RPA1: variants seen among roughly 807,000 people sequenced by gnomAD.
The protein encoded by RPA1 is replication protein A1, also known as replication protein A 70 kDa DNA-binding subunit.
RPA1 carries 49 observed loss-of-function variants against 83.0 expected under a neutral mutation model. That is an observed-to-expected ratio of 0.59 (90% CI 0.47 to 0.75). RPA1 has a LOEUF of 0.75. Ranked by LOEUF, RPA1 falls within the 30% of genes least tolerant of loss-of-function variation. RPA1 has a pLI of 0.00. For missense variants in RPA1, 693 were observed against 776.1 expected (o/e 0.89, Z 1.27); for synonymous variants, 279 against 281.8 (o/e 0.99, Z 0.10).
At chr17:1,883,244 C>T (rs1475092688) in intron 12 of RPA1, among the ~76,000 whole-genome samples, 1 of 152,126 alleles carries the variant, frequency 6.6e-6, no homozygotes, top group Non-Finnish European at 1.5e-5. Flanking sequence ...GCAACCTCCG[C>T]CTCCTGAGAA....
At position 1,883,838 on chromosome 17, in the gene RPA1, A is replaced by G. The variant is rs1913893326; in HGVS notation, c.1268A>G (p.Asp423Gly). The G allele has an allele frequency of 1.9e-6, 3 of 1,614,144 alleles. No homozygotes were observed. In the South Asian group the frequency reaches 3.3e-5, roughly 18 times the overall value. The change falls in exon 13 of 17, where the codon GAT (aspartate) becomes GGT (glycine). Residue 423 changes from aspartate to glycine, a missense_variant. Physicochemically the swap from Asp to Gly is moderately conservative, Grantham distance 94. Transcript: ENST00000254719. ...TTTGACGCAGAAGGACAAGCCTTAG[A>G]TGGTGTTTCCATCTCTGATCTAAAG... ...GWFDAEGQAL[D>G]GVSISDLKSG...
At chr17:1,831,831 C>G (rs977706160) in intron 1 of RPA1, among the ~76,000 whole-genome samples, 1 of 151,166 alleles carries the variant, frequency 6.6e-6, no homozygotes, top group Non-Finnish European at 1.5e-5. Context: ...GATCTCCTGA[C>G]CTTGTGATTC....
intron 1 of RPA1, among the ~76,000 whole-genome samples, chr17:1,830,986 G>T (rs1911541850): frequency 6.6e-6 from 1 of 151,898 alleles, no homozygotes; most frequent in African/African-American, 2.4e-5. Flanking sequence ...GGCTGATCTC[G>T]AACACCAGAC....
rs149749645 is a variant in RPA1, at chr17:1,897,332, C to T, written c.*157C>T. The T allele has an allele frequency of 1.8e-4, 111 of 604,738 alleles. No homozygotes were observed. In the African/African-American group the frequency reaches 1.9e-3, roughly 10 times the overall value. 37.5% of individuals were successfully genotyped at this position (604,738 alleles called of 1,614,324 possible). A position where few individuals can be genotyped will look rare whatever the true frequency, so the allele number is the denominator to read the frequency against. On this transcript the variant is annotated 3_prime_UTR_variant, in exon 17 of 17. Transcript: ENST00000254719. ...CCCTCGTGCGCATCTCAGAACCCAT[C>T]GGTAGGCAAAGGAAAATACGCTCAG... is the stretch of plus-strand genomic sequence containing the variant.
intron 5 of RPA1, chr17:1,854,420 C>T (rs974281843): frequency 6.6e-6 from 1 of 152,088 alleles, no homozygotes; most frequent in Non-Finnish European, 1.5e-5. Flanking sequence ...AAATAGGAAA[C>T]CAGGTACGGT....
chr17:1,868,745 A>G (rs1036218329), intron 5 of RPA1, among the ~76,000 whole-genome samples: 2 of 152,294 alleles, frequency 1.3e-5, no homozygotes, highest in African/African-American at 4.8e-5. Flanking sequence ...TCTCAGGAAA[A>G]GAAAAAAGAA....
chr17:1,897,164 G>T lies in RPA1; in HGVS notation c.1840G>T (p.Ala614Ser). ...GCTGGTCATGAGCATCAGGAGAAGT[G>T]CATTGATGTGAGAGGAGCAGTGCCA... ...RRLVMSIRRSALM is the reference protein window; with the variant it reads ...RRLVMSIRRSSLM Residue 614 changes from alanine (A) to serine (S), a missense_variant, in exon 17 of 17, where the codon GCA (alanine) becomes TCA (serine). Coordinates refer to ENST00000254719, the MANE Select transcript of RPA1 (RefSeq NM_002945.5). The T allele has an allele frequency of 1.3e-6, 2 of 1,555,752 alleles. No individual in the cohort carries two copies. Among genetic ancestry groups the T allele is most frequent in the Non-Finnish European group, 1.7e-6 (2 of 1,149,376 alleles).
In RPA1 at chr17:1,879,197, G is replaced by A; in HGVS notation, c.760-18G>A. 1 of 1,611,902 alleles carries A rather than the reference G, an allele frequency of 6.2e-7. No individual in the cohort carries two copies. The highest frequency in any genetic ancestry group is 1.1e-5 in the South Asian group (1 of 90,934). ...TTTGATGGTAGTCTCAGGTTCTGTG[G>A]CTTGGCCTCCTTCGCAGGTGTATTA... On this transcript the variant is annotated intron_variant, in intron 9 of 16. Transcript: ENST00000254719.
At chr17:1,888,500 T>G (rs1401606935) in intron 13 of RPA1, among the ~76,000 whole-genome samples, 175 bp from the exon 14 acceptor site, 1 of 152,236 alleles carries the variant, frequency 6.6e-6, no homozygotes, top group Non-Finnish European at 1.5e-5. Context: ...GGTTTTGTAC[T>G]CGGCACATGT....
In RPA1 at chr17:1,888,670, C is replaced by T. The variant is rs747138445; in HGVS notation, c.1375-5C>T. 1.2e-5 allele frequency: 19 copies of T among 1,607,002 alleles called. No individual in the cohort carries two copies. Among genetic ancestry groups the T allele is most frequent in the Middle Eastern group, 3.5e-4 (2 of 5,648 alleles). Reference sequence around the variant, plus strand: ...CGTGCCTCATGCTGTTCTTTTCTCCCGAAGCCGGACTACTTTAGTTCTGTG... The same window carrying T: ...CGTGCCTCATGCTGTTCTTTTCTCCTGAAGCCGGACTACTTTAGTTCTGTG... On this transcript the variant is annotated splice_region_variant and splice_polypyrimidine_tract_variant and intron_variant, in intron 13 of 16. Transcript: ENST00000254719.
At chr17:1,863,184 ATTTATTTTATTTTATTTTAT>A (rs71375562) in intron 5 of RPA1, among the ~76,000 whole-genome samples, 1 of 138,778 alleles carries the variant, frequency 7.2e-6, no homozygotes, top group East Asian at 2.1e-4. Context: ...CGCCCAACTA[ATTTATTTTATTTTATTTTAT>A]TTTATTTTAT....
intron 1 of RPA1, among the ~76,000 whole-genome samples, chr17:1,839,793 T>TG (rs1212754387): frequency 2.2e-5 from 3 of 133,776 alleles, no homozygotes; most frequent in African/African-American, 9.6e-5. Flanking sequence ...AGCTAGTTTT[T>TG]TTTTTTTTTT....
intron 8 of RPA1, among the ~76,000 whole-genome samples, chr17:1,878,467 ATTTTGGCTGAC>A (rs1913648183): frequency 1.3e-5 from 2 of 152,082 alleles, no homozygotes; most frequent in Non-Finnish European, 2.9e-5. Context: ...CCACTTGTAA[ATTTTGGCTGAC>A]AGAAAAGCAA....
chr17:1,841,440 A>T (rs1247611370), intron 1 of RPA1, among the ~76,000 whole-genome samples: 1 of 152,052 alleles, frequency 6.6e-6, no homozygotes, highest in Non-Finnish European at 1.5e-5. Flanking sequence ...AGCAGCTGGG[A>T]TTACAGGCAT....
chr17:1,860,341 G>C (rs1912902293), intron 5 of RPA1, among the ~76,000 whole-genome samples: 1 of 151,990 alleles, frequency 6.6e-6, no homozygotes, highest in Non-Finnish European at 1.5e-5. Context: ...TGTAGGGGCG[G>C]GGTCTCACTT....
intron 7 of RPA1, among the ~76,000 whole-genome samples, chr17:1,876,161 C>T (rs968666519): frequency 1.3e-5 from 2 of 152,150 alleles, no homozygotes; most frequent in African/African-American, 2.4e-5. Context: ...CAGGTGACTT[C>T]GTCTTTGGTT....
At chr17:1,866,523 G>A (rs949322842) in intron 5 of RPA1, among the ~76,000 whole-genome samples, 1 of 152,096 alleles carries the variant, frequency 6.6e-6, no homozygotes. Flanking sequence ...TACCATGTTG[G>A]CCAGGCTGGT....
At chr17:1,877,181 C>T (rs1187957478) in intron 7 of RPA1, 31 bp from the exon 8 acceptor site, 3 of 1,583,574 alleles carry the variant, frequency 1.9e-6, no homozygotes, top group South Asian at 1.1e-5. Flanking sequence ...AGGAAGACCC[C>T]ATACACTAAT....
Position 1,887,474 on chromosome 17 carries a change from G to A in RPA1, c.1375-1201G>A, listed in dbSNP as rs527565273. 1.5e-3 allele frequency among the ~76,000 whole-genome samples: 225 copies of A among 149,800 alleles called. 1 individual carries two copies. The highest frequency in any genetic ancestry group is 5.2e-3 in the African/African-American group (213 of 40,666). On this transcript the variant is annotated intron_variant, in intron 13 of 16. Transcript: ENST00000254719. ...CTCGGGAGGCTGAGGCAGGAGAATC[G>A]TTTGACCCTGGGAGGCGGAGATTTC...
Sources: gnomAD v4.1 joint callset for allele counts (sites outside exome capture counted in the v4.1 genomes callset) on GRCh38, gnomAD v4.1.1 for gene constraint, MANE v1.5 for transcripts, NCBI Gene and HGNC (gene_info 2026-07-23, HGNC 2026-07-21) for gene names.